Variants in SOX5 observed in about 807,000 individuals in gnomAD.
The protein encoded by SOX5 is transcription factor SOX-5.
A neutral mutation model predicts 92.0 loss-of-function variants in SOX5; 9 were observed. That is an observed-to-expected ratio of 0.10 (90% CI 0.06 to 0.17). The LOEUF (loss-of-function observed/expected upper bound fraction) is 0.17, where lower values mean the gene tolerates loss of function less well. Ranked by LOEUF, SOX5 falls within the 10% of genes least tolerant of loss-of-function variation. SOX5 has a pLI of 1.00. For missense variants in SOX5, 642 were observed against 944.5 expected (o/e 0.68, Z 4.20); for synonymous variants, 344 against 336.3 (o/e 1.02, Z -0.25).
rs1214406392 is a variant in SOX5, at chr12:24,095,143, AG to A, written c.-2+118199del. 4.8e-3 allele frequency among the ~76,000 whole-genome samples: 644 copies of A among 133,546 alleles called. 3 individuals are homozygous for A. The highest frequency in any genetic ancestry group is 0.017 in the East Asian group (89 of 5,128). The allele number at this position is 133,546 out of a possible 152,430, so 87.6% of individuals were successfully genotyped here. A position where few individuals can be genotyped will look rare whatever the true frequency, so the allele number is the denominator to read the frequency against. ...CACACACACACAGAGAGAGAGAGAG[AG>A]AGAGAGAGAGAGACAGAGACAGAGA... On this transcript the variant is annotated intron_variant, in intron 4 of 4. Transcript: ENST00000446891.
At chr12:24,287,181 T>C (rs11047351) in intron 2 of SOX5, among the ~76,000 whole-genome samples, 21,169 of 152,200 alleles carry the variant, frequency 0.14, 1,681 homozygotes, top group Middle Eastern at 0.23. Context: ...AAAAAAGTCA[T>C]AGCATCAGAT....
chr12:23,724,420 T>C (rs1047052352), intron 6 of SOX5, among the ~76,000 whole-genome samples: 26 of 152,178 alleles, frequency 1.7e-4, no homozygotes, highest in African/African-American at 5.3e-4. Flanking sequence ...AATAGGCTGC[T>C]CCTTCTTCTT....
chr12:23,757,237 G>T (rs1395992853), intron 3 of SOX5, among the ~76,000 whole-genome samples: 1 of 151,874 alleles, frequency 6.6e-6, no homozygotes, highest in African/African-American at 2.4e-5. Flanking sequence ...TGAAATGAAT[G>T]AATGAAAAAT....
intron 1 of SOX5, among the ~76,000 whole-genome samples, chr12:24,428,882 C>T (rs751380314): frequency 2.0e-5 from 3 of 151,880 alleles, no homozygotes; most frequent in Non-Finnish European, 2.9e-5. Flanking sequence ...TGGGTGGAGC[C>T]TGACTGAGTT....
intron 4 of SOX5, among the ~76,000 whole-genome samples, chr12:24,145,489 A>T (rs1950989193): frequency 6.6e-6 from 1 of 152,138 alleles, no homozygotes; most frequent in Non-Finnish European, 1.5e-5. Context: ...TAAAAAAGAT[A>T]TAACACAATA....
chr12:23,693,684 A>C (rs1001709972), intron 6 of SOX5, among the ~76,000 whole-genome samples: 4 of 152,104 alleles, frequency 2.6e-5, no homozygotes, highest in Admixed American at 6.5e-5. Context: ...ATTTAACATA[A>C]AGTTAGCTTA....
chr12:24,091,427 T>TA (rs1160847965), intron 4 of SOX5, among the ~76,000 whole-genome samples: 1 of 97,466 alleles, frequency 1.0e-5, no homozygotes, highest in Non-Finnish European at 2.1e-5. Flanking sequence ...TAGAGAATGC[T>TA]ATTTTTTTTT....
intron 4 of SOX5, among the ~76,000 whole-genome samples, chr12:23,967,643 G>A (rs1462916963): frequency 6.6e-6 from 1 of 152,026 alleles, no homozygotes; most frequent in Admixed American, 6.6e-5. Flanking sequence ...TTTTATCTCT[G>A]CAATAAAACA....
chr12:24,048,133 G>A (rs1957227126), intron 4 of SOX5, among the ~76,000 whole-genome samples: 1 of 152,154 alleles, frequency 6.6e-6, no homozygotes. Context: ...TGCATGAACA[G>A]CTTTCTGATA....
rs540320222 is a variant in SOX5, at chr12:23,941,976, G to A, written c.38+7588C>T. On this transcript the variant is annotated intron_variant, in intron 1 of 14. Coordinates refer to ENST00000451604, the MANE Select transcript of SOX5 (RefSeq NM_006940.6). Reference sequence around the variant, plus strand: ...ATGACAAAGGGACCTCAGGAGAGCAGTGAAAAAAAAGTCTTTGGACTTTGA... The same window carrying A: ...ATGACAAAGGGACCTCAGGAGAGCAATGAAAAAAAAGTCTTTGGACTTTGA... 1.9e-4 allele frequency among the ~76,000 whole-genome samples: 28 copies of A among 151,008 alleles called. No individual in the cohort carries two copies. In the East Asian group the frequency reaches 5.4e-3, roughly 29 times the overall value.
intron 4 of SOX5, among the ~76,000 whole-genome samples, chr12:24,026,249 G>C (rs112884380): frequency 1.3e-5 from 2 of 151,290 alleles, no homozygotes; most frequent in African/African-American, 4.9e-5. Context: ...GACTACAGAA[G>C]ATGACAAAAT....
At chr12:23,779,547 T>A (rs904805066) in intron 3 of SOX5, among the ~76,000 whole-genome samples, 1 of 151,688 alleles carries the variant, frequency 6.6e-6, no homozygotes, top group African/African-American at 2.4e-5. Flanking sequence ...GTGATTTTAA[T>A]ATGCACACCT....
intron 9 of SOX5, among the ~76,000 whole-genome samples, chr12:23,579,093 G>T (rs76243231): frequency 0.014 from 2,072 of 152,216 alleles, 58 homozygotes; most frequent in African/African-American, 0.047. Flanking sequence ...AAGATGATGT[G>T]GATGTGGGTG....
intron 3 of SOX5, among the ~76,000 whole-genome samples, chr12:23,768,676 G>A (rs2094819867): frequency 6.6e-6 from 1 of 152,048 alleles, no homozygotes; most frequent in African/African-American, 2.4e-5. Flanking sequence ...AACTACAGTA[G>A]CTGCTCATAA....
At chr12:24,469,029 T>C (rs1944515436) in intron 1 of SOX5, among the ~76,000 whole-genome samples, 1 of 152,146 alleles carries the variant, frequency 6.6e-6, no homozygotes, top group Admixed American at 6.5e-5. Flanking sequence ...TTGTAATATA[T>C]AATGAAATAA....
chr12:24,366,158 T>C (rs990692267), intron 2 of SOX5, among the ~76,000 whole-genome samples: 11 of 152,160 alleles, frequency 7.2e-5, no homozygotes, highest in African/African-American at 1.9e-4. Context: ...TAGAATGACA[T>C]GCAAATTTTC....
chr12:23,681,750 C>T (rs2086660698), intron 6 of SOX5, among the ~76,000 whole-genome samples: 1 of 151,700 alleles, frequency 6.6e-6, no homozygotes, highest in Admixed American at 6.6e-5. Flanking sequence ...ACTGCTTCAG[C>T]ACTTTTCAAA....
intron 1 of SOX5, among the ~76,000 whole-genome samples, chr12:24,377,896 G>A (rs1957448985): frequency 6.6e-6 from 1 of 152,188 alleles, no homozygotes; most frequent in South Asian, 2.1e-4. Flanking sequence ...TGGAAAATCA[G>A]AAGGTCAAAA....
At chr12:24,137,701 C>T (rs1318003314) in intron 4 of SOX5, among the ~76,000 whole-genome samples, 1 of 152,156 alleles carries the variant, frequency 6.6e-6, no homozygotes, top group Non-Finnish European at 1.5e-5. Context: ...TCATTCTAGG[C>T]CTTTATAACA....
Sources: allele counts gnomAD v4.1 joint callset (sites outside exome capture counted in the v4.1 genomes callset), GRCh38; gene constraint gnomAD v4.1.1; transcripts MANE v1.5; gene names NCBI Gene and HGNC (gene_info 2026-07-23, HGNC 2026-07-21).